FOXP2: variants seen among roughly 807,000 people sequenced by gnomAD.
FOXP2 encodes the protein forkhead box P2.
A neutral mutation model predicts 115.8 loss-of-function variants in FOXP2; 12 were observed. That is an observed-to-expected ratio of 0.10 (90% CI 0.07 to 0.17). FOXP2 has a LOEUF of 0.17. FOXP2 is among the 10% of genes least tolerant of loss of function. The pLI, the probability that FOXP2 is intolerant of heterozygous loss-of-function variation, is 1.00. For synonymous variants in FOXP2, 328 were observed against 297.7 expected (o/e 1.10, Z -1.05); for missense variants, 629 against 843.5 (o/e 0.75, Z 3.15).
intron 2 of FOXP2, among the ~76,000 whole-genome samples, chr7:114,295,988 C>G (rs1796734237): frequency 6.6e-6 from 1 of 152,066 alleles, no homozygotes; most frequent in Non-Finnish European, 1.5e-5. Flanking sequence ...AAATAGATTG[C>G]CATAGGAGAA....
chr7:114,659,747 A>G lies in FOXP2; in HGVS notation c.1647+74A>G, dbSNP rs753288759. 18 of 1,175,256 alleles carry G rather than the reference A, an allele frequency of 1.5e-5. No homozygotes were observed. The East Asian group carries it at 2.8e-4, about 18-fold the overall frequency. 72.8% of individuals were successfully genotyped at this position (1,175,256 alleles called of 1,614,324 possible). A position where few individuals can be genotyped will look rare whatever the true frequency, so the allele number is the denominator to read the frequency against. ...GATAGCACAAGGAACATTTATTTAC[A>G]TGACATAAGCAGATTAGTATCTGCT... On this transcript the variant is annotated intron_variant, in intron 13 of 16. Coordinates refer to ENST00000350908, the MANE Select transcript of FOXP2 (RefSeq NM_014491.4).
At chr7:114,161,890 C>A (rs1193954787), upstream of FOXP2, among the ~76,000 whole-genome samples, 1 of 152,108 alleles carries the variant, frequency 6.6e-6, no homozygotes, top group East Asian at 1.9e-4. Context: ...TCATGCAATT[C>A]TTGTGCCTCA....
At chr7:114,649,135 A>T (rs1047220521) in intron 8 of FOXP2, among the ~76,000 whole-genome samples, 1 of 152,126 alleles carries the variant, frequency 6.6e-6, no homozygotes, top group Admixed American at 6.6e-5. Context: ...CTTTGCCATC[A>T]GAAAAAGTAT....
chr7:114,580,053 G>A (rs1309924383), intron 3 of FOXP2, among the ~76,000 whole-genome samples: 6 of 152,170 alleles, frequency 3.9e-5, no homozygotes, highest in Non-Finnish European at 7.4e-5. Flanking sequence ...AGAATTTGAA[G>A]TTTTAAGTGC....
intron 2 of FOXP2, among the ~76,000 whole-genome samples, chr7:114,473,698 T>G (rs1223766522): frequency 2.6e-5 from 4 of 152,078 alleles, no homozygotes; most frequent in Non-Finnish European, 5.9e-5. Context: ...CATACCATGG[T>G]AGCATCTGGG....
chr7:114,236,957 T>C (rs985003590), intron 1 of FOXP2, among the ~76,000 whole-genome samples: 6 of 152,096 alleles, frequency 3.9e-5, no homozygotes, highest in African/African-American at 1.2e-4. Context: ...TCCTAGGTGA[T>C]AGAAAGACCC....
Position 114,526,478 on chromosome 7 carries a change from A to AG in FOXP2, c.169-8139_169-8138insG, listed in dbSNP as rs1308524098. Among the ~76,000 whole-genome samples the AG allele has an allele frequency of 2.5e-4, 37 of 149,784 alleles. 1 individual carries two copies. Among genetic ancestry groups the AG allele is most frequent in the African/African-American group, 9.0e-4 (36 of 39,876 alleles). The stretch of plus-strand genomic sequence containing the variant: ...GCGACAGGGTGAGACTCTGTCTCAA[A>AG]AAAAAAAAACAAAAAAAAAAACACA... On this transcript the variant is annotated intron_variant, in intron 2 of 16. Transcript: ENST00000350908.
chr7:114,132,099 T>A (rs1791894117), intron 1 of FOXP2, among the ~76,000 whole-genome samples: 2 of 152,182 alleles, frequency 1.3e-5, no homozygotes, highest in Non-Finnish European at 2.9e-5. Context: ...TGGGCAAAAC[T>A]CATCCTTGCT....
At chr7:114,178,634 A>C (rs1468262867) in intron 1 of FOXP2, among the ~76,000 whole-genome samples, 1 of 151,982 alleles carries the variant, frequency 6.6e-6, no homozygotes, top group Non-Finnish European at 1.5e-5. Flanking sequence ...ATGTTGGTAG[A>C]ATGACCAAAG....
chr7:114,304,917 G>A (rs1251323911), intron 2 of FOXP2, among the ~76,000 whole-genome samples: 2 of 151,994 alleles, frequency 1.3e-5, no homozygotes, highest in Non-Finnish European at 2.9e-5. Flanking sequence ...AATTCTGTGT[G>A]CTGAAAAGAC....
rs540460918 is a variant in FOXP2 at position 114,509,967 on chromosome 7, T to G, written c.169-24650T>G. 2.6e-4 allele frequency among the ~76,000 whole-genome samples: 39 copies of G among 150,862 alleles called. 1 individual carries two copies. In the South Asian group the frequency reaches 5.3e-3, roughly 20 times the overall value. On this transcript the variant is annotated intron_variant, in intron 2 of 16. Transcript: ENST00000350908. ...ACAAACACTTTGAGATCGGGAGAGG[T>G]AGAAAACATGGTCAGAAAGCTGAGA...
At chr7:114,542,188 T>G (rs1217942293) in intron 3 of FOXP2, among the ~76,000 whole-genome samples, 1 of 152,112 alleles carries the variant, frequency 6.6e-6, no homozygotes, top group Non-Finnish European at 1.5e-5. Context: ...CCATTTTATT[T>G]TCTTCTCTCA....
intron 3 of FOXP2, among the ~76,000 whole-genome samples, chr7:114,560,069 AAAAAG>A (rs1800689828): frequency 6.6e-6 from 1 of 152,134 alleles, no homozygotes; most frequent in Non-Finnish European, 1.5e-5. Context: ...TTCTTTTAAT[AAAAAG>A]AAAAGTGTTA....
chr7:114,175,339 A>T (rs184602332), intron 1 of FOXP2, among the ~76,000 whole-genome samples: 2 of 152,220 alleles, frequency 1.3e-5, no homozygotes, highest in Admixed American at 1.3e-4. Flanking sequence ...TAGTGGATGC[A>T]TCTATGATCT....
chr7:114,454,777 C>A (rs1795224320), intron 2 of FOXP2, among the ~76,000 whole-genome samples: 2 of 130,494 alleles, frequency 1.5e-5, no homozygotes, highest in Admixed American at 7.8e-5. Context: ...GAACAAAAAA[C>A]CAAACACCAC....
chr7:114,210,827 C>T (rs1794327947), intron 1 of FOXP2, among the ~76,000 whole-genome samples: 1 of 152,126 alleles, frequency 6.6e-6, no homozygotes, highest in Non-Finnish European at 1.5e-5. Context: ...TAAGCTCTAT[C>T]TGTAGGACCC....
At chr7:114,248,661 TA>T (rs1166525164) in intron 1 of FOXP2, among the ~76,000 whole-genome samples, 1 of 152,230 alleles carries the variant, frequency 6.6e-6, no homozygotes, top group Non-Finnish European at 1.5e-5. Flanking sequence ...GCTTATTTTT[TA>T]GTTTTATCCT....
In FOXP2 at chr7:114,509,280, T is replaced by TG. The variant is rs1554407260; in HGVS notation, c.169-25337_169-25336insG. ...TTTAATGGTTTTTTTGTTTGTTTGT[T>TG]TTTTGTTTTGTTTTGTTTTTTGAGA... On this transcript the variant is annotated intron_variant, in intron 2 of 16. Transcript: ENST00000350908. 4.6e-5 allele frequency among the ~76,000 whole-genome samples: 7 copies of TG among 151,842 alleles called. No homozygotes were observed. In the East Asian group the frequency reaches 1.2e-3, roughly 25 times the overall value.
intron 2 of FOXP2, among the ~76,000 whole-genome samples, chr7:114,512,014 A>T (rs1168984461): frequency 6.6e-6 from 1 of 152,196 alleles, no homozygotes; most frequent in African/African-American, 2.4e-5. Flanking sequence ...TGTCATTATT[A>T]TTCATTTATC....
Sources: gnomAD v4.1 joint callset for allele counts (sites outside exome capture counted in the v4.1 genomes callset) on GRCh38, gnomAD v4.1.1 for gene constraint, MANE v1.5 for transcripts, NCBI Gene and HGNC (gene_info 2026-07-23, HGNC 2026-07-21) for gene names.